SEMA4D: variants seen among roughly 807,000 people sequenced by gnomAD.
SEMA4D encodes the protein semaphorin-4D.
A neutral mutation model predicts 74.8 loss-of-function variants in SEMA4D; 22 were observed. That is an observed-to-expected ratio of 0.29 (90% CI 0.21 to 0.42). The LOEUF is 0.42. SEMA4D is among the 10% of genes least tolerant of loss of function. The pLI, the probability that SEMA4D is intolerant of heterozygous loss-of-function variation, is 1.00. For synonymous variants in SEMA4D, 445 were observed against 463.7 expected, an observed-to-expected ratio of 0.96 and a Z score of 0.52; for missense variants, 937 against 1,118.4, an observed-to-expected ratio of 0.84 and a Z score of 2.31.
intron 13 of SEMA4D, chr9:89,385,289 G>C: frequency 1.0e-6 from 1 of 985,392 alleles, no homozygotes; most frequent in Middle Eastern, 5.2e-4. Flanking sequence ...TCCACACCAG[G>C]GGCCCAATCT....
intron 2 of SEMA4D, among the ~76,000 whole-genome samples, chr9:89,444,928 G>A (rs1355926920): frequency 6.6e-6 from 1 of 152,008 alleles, no homozygotes; most frequent in Non-Finnish European, 1.5e-5. Context: ...CTACAGATTG[G>A]CAAAAGAGGG....
rs770952167 is a variant in SEMA4D at position 89,387,500 on chromosome 9, G to T, written c.1216C>A (p.Pro406Thr). 2.2e-5 allele frequency: 35 copies of T among 1,614,070 alleles called. No homozygotes were observed. The highest frequency in any genetic ancestry group is 2.9e-5 in the Non-Finnish European group (34 of 1,180,034). ...ATTAACCTGGGCCTGTTGTCTATTG[G>T]GGTTACCGAGTCATCCATCAAAGGG... ...DHPLMDDSVT[P>T]IDNRPRLIKK... The change falls in exon 12 of 16, where the codon CCA (proline) becomes ACA (threonine). Residue 406 changes from proline to threonine, a missense_variant. Transcript: ENST00000422704.
At chr9:89,452,627 T>C (rs1854877722) in intron 2 of SEMA4D, among the ~76,000 whole-genome samples, 1 of 152,110 alleles carries the variant, frequency 6.6e-6, no homozygotes. Context: ...AATTTTTGTA[T>C]TTTGAGTAGA....
At chr9:89,410,848 G>T (rs1844381779) in intron 2 of SEMA4D, among the ~76,000 whole-genome samples, 1 of 152,186 alleles carries the variant, frequency 6.6e-6, no homozygotes, top group Admixed American at 6.5e-5. Context: ...CCCACTGGAG[G>T]CAGCAAAGCA....
intron 1 of SEMA4D, among the ~76,000 whole-genome samples, chr9:89,472,948 T>G (rs1027733301): frequency 6.6e-6 from 1 of 150,832 alleles, no homozygotes; most frequent in Non-Finnish European, 1.5e-5. Context: ...GTAAAAAAAT[T>G]AGCCAGGCAT....
intron 2 of SEMA4D, among the ~76,000 whole-genome samples, chr9:89,412,078 C>T (rs1844655368): frequency 1.3e-5 from 2 of 152,094 alleles, no homozygotes; most frequent in Admixed American, 1.3e-4. Context: ...TCCCCTGACC[C>T]CCACACTCCA....
chr9:89,481,109 C>T (rs12005807), intron 1 of SEMA4D, among the ~76,000 whole-genome samples: 28,633 of 152,238 alleles, frequency 0.19, 2,883 homozygotes, highest in Admixed American at 0.26. Flanking sequence ...GCATGCTCTC[C>T]GAGGGGTAGA....
At chr9:89,415,776 G>T (rs1292622765) in intron 2 of SEMA4D, among the ~76,000 whole-genome samples, 2 of 152,182 alleles carry the variant, frequency 1.3e-5, no homozygotes, top group African/African-American at 4.8e-5. Context: ...GACTGAGACA[G>T]TGGCAATTCA....
Position 89,379,522 on chromosome 9 carries a change from T to G in SEMA4D, c.1771A>C (p.Asn591His). ...NLARVFWKFQ[N>H]GVLKAESPKY... Reference sequence around the variant, plus strand: ...GGGCTCTCGGCCTTCAACACGCCATTCTGGAACTTCCAAAAGACCCGGGCC... The same window carrying G: ...GGGCTCTCGGCCTTCAACACGCCATGCTGGAACTTCCAAAAGACCCGGGCC... The change falls in exon 16 of 16, where the codon AAT becomes CAT. Residue 591 changes from asparagine (N) to histidine (H), a missense_variant. Transcript: ENST00000422704. The G allele has an allele frequency of 6.2e-7, 1 of 1,614,118 alleles. No individual in the cohort carries two copies. Among genetic ancestry groups the G allele is most frequent in the Non-Finnish European group, 8.5e-7 (1 of 1,180,014 alleles).
At chr9:89,463,874 C>CG (rs1857967207) in intron 1 of SEMA4D, among the ~76,000 whole-genome samples, 1 of 149,416 alleles carries the variant, frequency 6.7e-6, no homozygotes, top group Non-Finnish European at 1.5e-5. Flanking sequence ...GTGGAGGTTG[C>CG]GGTGAGCCGA....
chr9:89,458,555 GAC>G (rs1178989179), intron 1 of SEMA4D, among the ~76,000 whole-genome samples: 1 of 151,404 alleles, frequency 6.6e-6, no homozygotes, highest in Non-Finnish European at 1.5e-5. Flanking sequence ...CATCCAAGCA[GAC>G]ACACACCCAC....
intron 1 of SEMA4D, chr9:89,472,118 T>C (rs1243422662): frequency 3.4e-5 from 6 of 175,116 alleles, no homozygotes; most frequent in Non-Finnish European, 7.2e-5. Context: ...CTGGGTCAAT[T>C]TGCACAATCC....
At chr9:89,389,122 C>A (rs1588231738) in intron 9 of SEMA4D, 75 bp from the exon 10 acceptor site, 4 of 1,498,626 alleles carry the variant, frequency 2.7e-6, no homozygotes, top group East Asian at 2.3e-5. Context: ...CAGAGGTGCA[C>A]CCCTCCATGG....
chr9:89,413,603 G>A (rs1357984399), intron 2 of SEMA4D, among the ~76,000 whole-genome samples: 1 of 152,250 alleles, frequency 6.6e-6, no homozygotes, highest in African/African-American at 2.4e-5. Flanking sequence ...ATGTCTGCAT[G>A]TCTGCACATG....
At chr9:89,450,376 T>C (rs1424122795) in intron 2 of SEMA4D, 57 of 1,077,592 alleles carry the variant, frequency 5.3e-5, no homozygotes, top group Non-Finnish European at 6.9e-5. Flanking sequence ...AAAAGGCGTT[T>C]TGATGCCATG....
At chr9:89,480,969 G>A (rs960504689) in intron 1 of SEMA4D, among the ~76,000 whole-genome samples, 1 of 152,222 alleles carries the variant, frequency 6.6e-6, no homozygotes, top group Non-Finnish European at 1.5e-5. Flanking sequence ...CTGCTAGCAC[G>A]CTGTCACCTC....
chr9:89,411,788 C>T (rs764305203), intron 2 of SEMA4D, among the ~76,000 whole-genome samples: 1 of 152,202 alleles, frequency 6.6e-6, no homozygotes, highest in Non-Finnish European at 1.5e-5. Flanking sequence ...TGTGCAGAGC[C>T]TGGGTCCCTA....
intron 1 of SEMA4D, among the ~76,000 whole-genome samples, chr9:89,477,254 G>A (rs1194322557): frequency 1.4e-5 from 2 of 140,632 alleles, no homozygotes; most frequent in Admixed American, 7.4e-5. Context: ...GTACATGCAC[G>A]TACACACACA....
At chr9:89,416,168 G>A (rs928183841) in intron 2 of SEMA4D, among the ~76,000 whole-genome samples, 3 of 152,182 alleles carry the variant, frequency 2.0e-5, no homozygotes, top group African/African-American at 7.2e-5. Context: ...GGGAAGGTGT[G>A]GGGTAAAGGA....
Sources: allele counts gnomAD v4.1 joint callset (sites outside exome capture counted in the v4.1 genomes callset), GRCh38; gene constraint gnomAD v4.1.1; transcripts MANE v1.5; gene names NCBI Gene and HGNC (gene_info 2026-07-23, HGNC 2026-07-21).